Variants in ATG5 observed in about 807,000 individuals in gnomAD.
ATG5 encodes autophagy protein 5.
ATG5 carries 14 observed loss-of-function variants against 36.5 expected under a neutral mutation model. That is an observed-to-expected ratio of 0.38 (90% CI 0.25 to 0.60). The LOEUF is 0.60. ATG5 is among the 20% of genes least tolerant of loss of function. The probability of loss-of-function intolerance (pLI) is 0.60; values close to 1 mark genes in which losing one functional copy is unlikely to be tolerated. For missense variants in ATG5, 195 were observed against 326.7 expected, an observed-to-expected ratio of 0.60 and a Z score of 3.11; for synonymous variants, 95 against 101.5, an observed-to-expected ratio of 0.94 and a Z score of 0.38.
At chr6:106,280,449 G>C (rs1232026272) in intron 4 of ATG5, among the ~76,000 whole-genome samples, 2 of 152,046 alleles carry the variant, frequency 1.3e-5, no homozygotes, top group African/African-American at 4.8e-5. Context: ...TATTCACTTT[G>C]ACTAGGTTAA....
chr6:106,280,274 C>CAAAAAAAAAAAAAAAAAAAAAAAAA (rs71793771), intron 4 of ATG5, among the ~76,000 whole-genome samples: 1 of 87,356 alleles, frequency 1.1e-5, no homozygotes, highest in Non-Finnish European at 2.4e-5. Context: ...AGTATTATGT[C>CAAAAAAAAAAAAAAAAAAAAAAAAA]AAAAAAAAAA....
At position 106,226,013 on chromosome 6, in the gene ATG5, C is replaced by T. The variant is rs147391923; in HGVS notation, c.573+22137G>A. Among the ~76,000 whole-genome samples, 44 of 152,294 alleles carry T rather than the reference C, an allele frequency of 2.9e-4. 1 individual carries two copies. The highest frequency in any genetic ancestry group is 1.0e-3 in the South Asian group (5 of 4,834). On this transcript the variant is annotated intron_variant, in intron 6 of 7. Coordinates refer to ENST00000369076, the MANE Select transcript of ATG5 (RefSeq NM_004849.4). The stretch of plus-strand genomic sequence containing the variant: ...TGTGTACACGCTCAAAAAACATCTA[C>T]GAAGGCCCTAAACTCTCACCTATGG...
chr6:106,294,046 A>G (rs1780432735), intron 3 of ATG5, among the ~76,000 whole-genome samples: 1 of 152,100 alleles, frequency 6.6e-6, no homozygotes, highest in Non-Finnish European at 1.5e-5. Context: ...AAAATCTGAA[A>G]TGCTGGAATG....
At chr6:106,191,241 T>C (rs942148693) in intron 7 of ATG5, among the ~76,000 whole-genome samples, 4 of 152,178 alleles carry the variant, frequency 2.6e-5, no homozygotes, top group Non-Finnish European at 5.9e-5. Context: ...ATCATACCAG[T>C]GTAGAATTTT....
intron 5 of ATG5, among the ~76,000 whole-genome samples, chr6:106,270,765 A>C (rs748694069): frequency 6.6e-6 from 1 of 152,082 alleles, no homozygotes; most frequent in Non-Finnish European, 1.5e-5. Flanking sequence ...AATAGGCTTT[A>C]CTTCCCATCT....
intron 5 of ATG5, among the ~76,000 whole-genome samples, chr6:106,269,728 C>T (rs893657331): frequency 9.2e-5 from 14 of 152,336 alleles, no homozygotes; most frequent in Admixed American, 5.9e-4. Flanking sequence ...CACACCCACC[C>T]GGAACTCCAG....
Position 106,293,933 on chromosome 6 carries a change from A to C in ATG5, c.237-827T>G, listed in dbSNP as rs2114632493. The stretch of plus-strand genomic sequence containing the variant: ...ACAGGTTGAGTATCCCATTTCCAAA[A>C]TGCTTGGGATTAGAGAAGTGTTTCA... On this transcript the variant is annotated intron_variant, in intron 3 of 7. Transcript: ENST00000369076. Among the ~76,000 whole-genome samples, 3 of 150,292 alleles carry C rather than the reference A, an allele frequency of 2.0e-5. No individual in the cohort carries two copies. The South Asian group carries it at 6.4e-4, about 32-fold the overall frequency.
intron 3 of ATG5, among the ~76,000 whole-genome samples, chr6:106,302,788 A>C (rs1770271719): frequency 6.6e-6 from 1 of 152,082 alleles, no homozygotes; most frequent in South Asian, 2.1e-4. Flanking sequence ...TCTAAAAAAA[A>C]CTAAGATTCC....
chr6:106,250,157 G>A (rs1778514491), intron 5 of ATG5, among the ~76,000 whole-genome samples: 1 of 150,340 alleles, frequency 6.7e-6, no homozygotes, highest in Admixed American at 6.6e-5. Context: ...AATACATCCA[G>A]AATTACAGTT....
intron 6 of ATG5, among the ~76,000 whole-genome samples, chr6:106,208,386 A>T (rs1017467598): frequency 2.0e-5 from 3 of 152,254 alleles, no homozygotes; most frequent in African/African-American, 7.2e-5. Context: ...CAGGGCCACT[A>T]GTTTTAGAAC....
rs1780215380 is a variant in ATG5, at chr6:106,289,429, T to C, written c.315+3599A>G. On this transcript the variant is annotated intron_variant, in intron 4 of 7. Transcript: ENST00000369076. ...AAAAAAAAAAATCTGGGCAATAACT[T>C]TCCTCTAACAGGCCAGGATAAGAAT... Among the ~76,000 whole-genome samples the C allele has an allele frequency of 2.0e-5, 3 of 152,246 alleles. No individual in the cohort carries two copies. In the East Asian group the frequency reaches 5.8e-4, roughly 29 times the overall value.
intron 7 of ATG5, among the ~76,000 whole-genome samples, chr6:106,196,027 C>T (rs1250680832): frequency 1.3e-5 from 2 of 152,118 alleles, no homozygotes; most frequent in Non-Finnish European, 2.9e-5. Flanking sequence ...CTGAGAGTGT[C>T]AGTTCAAAGC....
At chr6:106,303,449 G>T (rs1317359166) in intron 3 of ATG5, among the ~76,000 whole-genome samples, 1 of 152,000 alleles carries the variant, frequency 6.6e-6, no homozygotes, top group Non-Finnish European at 1.5e-5. Flanking sequence ...GAAATCTCCA[G>T]ACCCAAGTGG....
intron 2 of ATG5, among the ~76,000 whole-genome samples, chr6:106,315,602 A>T (rs2114679363): frequency 6.6e-6 from 1 of 152,148 alleles, no homozygotes; most frequent in African/African-American, 2.4e-5. Flanking sequence ...AGCTCAGTGA[A>T]CGTATCGTGT....
At chr6:106,219,317 T>C (rs1777153812) in intron 6 of ATG5, among the ~76,000 whole-genome samples, 2 of 152,154 alleles carry the variant, frequency 1.3e-5, no homozygotes, top group Non-Finnish European at 2.9e-5. Flanking sequence ...TAAAACATGG[T>C]TAAATGAAGT....
intron 6 of ATG5, among the ~76,000 whole-genome samples, chr6:106,227,581 G>C (rs1016818045): frequency 2.0e-5 from 3 of 152,088 alleles, no homozygotes; most frequent in Non-Finnish European, 4.4e-5. Context: ...TGGAGACCCT[G>C]TCTCTATAAA....
chr6:106,248,511 T>C (rs1778440075), intron 5 of ATG5, among the ~76,000 whole-genome samples: 2 of 152,200 alleles, frequency 1.3e-5, no homozygotes, highest in African/African-American at 4.8e-5. Flanking sequence ...AACATACGAC[T>C]ACTTGTGTTA....
chr6:106,277,459 A>G (rs1231584843), intron 5 of ATG5, among the ~76,000 whole-genome samples: 1 of 152,244 alleles, frequency 6.6e-6, no homozygotes, highest in Non-Finnish European at 1.5e-5. Flanking sequence ...GACAATTACG[A>G]TTGTTCCACA....
chr6:106,241,619 T>G (rs1421249266), intron 6 of ATG5, among the ~76,000 whole-genome samples: 2 of 152,330 alleles, frequency 1.3e-5, no homozygotes. Flanking sequence ...TATATGTTTT[T>G]TGGCTGAGGT....
Sources: allele counts gnomAD v4.1 joint callset (sites outside exome capture counted in the v4.1 genomes callset), GRCh38; gene constraint gnomAD v4.1.1; transcripts MANE v1.5; gene names NCBI Gene and HGNC (gene_info 2026-07-23, HGNC 2026-07-21).